Variants in CRTAC1 observed in about 807,000 individuals in gnomAD.
The protein encoded by CRTAC1 is cartilage acidic protein 1.
A neutral mutation model predicts 67.8 loss-of-function variants in CRTAC1; 37 were observed. The observed-to-expected ratio is 0.55, with a 90% confidence interval of 0.42 to 0.72. The LOEUF (loss-of-function observed/expected upper bound fraction) is 0.72. Among genes scored for constraint, CRTAC1 ranks in the 30% least tolerant of loss-of-function variants. The probability of loss-of-function intolerance (pLI) is 0.00; values close to 1 mark genes in which losing one functional copy is unlikely to be tolerated. For synonymous variants in CRTAC1, 348 were observed against 371.0 expected (o/e 0.94, Z 0.71); for missense variants, 780 against 931.6 (o/e 0.84, Z 2.12).
chr10:98,019,361 C>T (rs921050471), intron 1 of CRTAC1, among the ~76,000 whole-genome samples: 1 of 152,132 alleles, frequency 6.6e-6, no homozygotes, highest in Admixed American at 6.5e-5. Context: ...GGTTCTCCAC[C>T]ACGGCGATTT....
intron 7 of CRTAC1, among the ~76,000 whole-genome samples, chr10:97,903,534 T>C (rs2050569958): frequency 6.6e-6 from 1 of 151,940 alleles, no homozygotes; most frequent in African/African-American, 2.4e-5. Context: ...CCAAGGTGGC[T>C]GCTTACAGGG....
At position 97,882,835 on chromosome 10, in the gene CRTAC1, G is replaced by C. The variant is rs368186328; in HGVS notation, c.1633-7C>G. ...GGGAGAATCCTTGGCCACACTGTAA[G>C]GTGGGCAGAAGCAGAGACATGAGTG... On this transcript the variant is annotated splice_region_variant and splice_polypyrimidine_tract_variant and intron_variant, in intron 12 of 14. Coordinates refer to ENST00000370597, the MANE Select transcript of CRTAC1 (RefSeq NM_018058.7). The C allele has an allele frequency of 3.1e-6, 5 of 1,614,018 alleles. No homozygotes were observed. The African/African-American group carries it at 6.7e-5, about 22-fold the overall frequency.
chr10:97,951,138 A>G (rs1402029213), intron 2 of CRTAC1, among the ~76,000 whole-genome samples: 1 of 151,864 alleles, frequency 6.6e-6, no homozygotes, highest in East Asian at 1.9e-4. Context: ...CTGCATTTCC[A>G]CCTCCTCTGT....
chr10:97,895,648 GGGCACAGTGTTT>G lies in CRTAC1; in HGVS notation c.1317+225_1317+236del, dbSNP rs2050446852. 6.6e-6 allele frequency among the ~76,000 whole-genome samples: 1 copy of G among 152,226 alleles called. No individual in the cohort carries two copies. Among genetic ancestry groups the G allele is most frequent in the African/African-American group, 2.4e-5 (1 of 41,456 alleles). On this transcript the variant is annotated intron_variant, in intron 10 of 14. Coordinates refer to ENST00000370597, the MANE Select transcript of CRTAC1 (RefSeq NM_018058.7). This position sits in a 1 kb window ranked among gnomAD's most constrained non-coding sequence, Gnocchi z 4.2. ...GAGGAGACAAAAGCCGAGGGACTCAGGGCACAGTGTTTGGCAGATAAATGATACTGGAAGGCA... is the reference window on the plus strand; with the variant it reads ...GAGGAGACAAAAGCCGAGGGACTCAGGGCAGATAAATGATACTGGAAGGCA...
intron 2 of CRTAC1, among the ~76,000 whole-genome samples, chr10:97,986,919 A>G (rs965235901): frequency 2.0e-5 from 3 of 152,194 alleles, no homozygotes; most frequent in Non-Finnish European, 4.4e-5. Flanking sequence ...CTTCGTAAAT[A>G]AGATTATGTG....
chr10:97,875,780 C>T lies in CRTAC1; in HGVS notation c.1819+4469G>A, dbSNP rs555803063. 1.1e-4 allele frequency: 17 copies of T among 152,336 alleles called. No individual in the cohort carries two copies. In the East Asian group the frequency reaches 1.2e-3, roughly 10 times the overall value. The allele number at this position is 152,336 out of a possible 1,614,324, so 9.4% of individuals were successfully genotyped here. On this transcript the variant is annotated intron_variant, in intron 14 of 14. Transcript: ENST00000370597. ...TCTGGAGCGGAGTTCCTGCTTCGGC[C>T]GAGGTCCAGTGGCACTGGCCTGGGT...
intron 5 of CRTAC1, among the ~76,000 whole-genome samples, chr10:97,911,808 C>T (rs2050691600): frequency 1.3e-5 from 2 of 152,230 alleles, no homozygotes; most frequent in Admixed American, 1.3e-4. Context: ...TTGTCACACC[C>T]TCCCTCTCCT....
chr10:97,872,571 T>A (rs1269841252), intron 14 of CRTAC1, among the ~76,000 whole-genome samples: 2 of 152,132 alleles, frequency 1.3e-5, no homozygotes, highest in African/African-American at 2.4e-5. Flanking sequence ...ACCTGAGAGA[T>A]CTGGACCTCA....
At chr10:97,868,949 C>T (rs999192262) in intron 14 of CRTAC1, 2 of 152,242 alleles carry the variant, frequency 1.3e-5, no homozygotes, top group South Asian at 4.1e-4. Flanking sequence ...CTCACAGCAA[C>T]CCTCTATGGC....
rs928103874 is a variant in CRTAC1 at position 97,975,024 on chromosome 10, G to A, written c.224+36114C>T. Among the ~76,000 whole-genome samples the A allele has an allele frequency of 6.6e-6, 1 of 152,192 alleles. No homozygotes were observed. Among genetic ancestry groups the A allele is most frequent in the East Asian group, 1.9e-4 (1 of 5,136 alleles). ...GGAGAACGTGGAGCCCGCGGGAGGA[G>A]GCCGGAGCGCGGGCAGGGACTGGCG... On this transcript the variant is annotated intron_variant, in intron 2 of 14. Coordinates refer to ENST00000370597, the MANE Select transcript of CRTAC1 (RefSeq NM_018058.7). This position sits in a 1 kb window ranked among gnomAD's most constrained non-coding sequence, Gnocchi z 4.8.
At chr10:98,008,900 C>T (rs1842852114) in intron 2 of CRTAC1, among the ~76,000 whole-genome samples, 2 of 152,100 alleles carry the variant, frequency 1.3e-5, no homozygotes, top group Admixed American at 1.3e-4. Context: ...GGCAGGGCAA[C>T]CATCCAAACA....
chr10:97,987,767 T>G (rs977844843), intron 2 of CRTAC1, among the ~76,000 whole-genome samples: 1 of 152,264 alleles, frequency 6.6e-6, no homozygotes, highest in Non-Finnish European at 1.5e-5. Context: ...TGAATACACA[T>G]AGGTGCTCAA....
intron 5 of CRTAC1, among the ~76,000 whole-genome samples, chr10:97,909,215 T>C (rs993426584): frequency 6.6e-6 from 1 of 151,908 alleles, no homozygotes; most frequent in African/African-American, 2.4e-5. Flanking sequence ...CCCCACCCAG[T>C]GGGTTTCAAA....
chr10:97,984,615 G>A (rs11189457), intron 2 of CRTAC1, among the ~76,000 whole-genome samples: 16,206 of 152,214 alleles, frequency 0.11, 905 homozygotes, highest in South Asian at 0.16. Flanking sequence ...CTTGCATGAC[G>A]TGGAAACAAG....
chr10:97,892,506 C>T (rs920265597), intron 11 of CRTAC1, among the ~76,000 whole-genome samples: 2 of 152,322 alleles, frequency 1.3e-5, no homozygotes, highest in Non-Finnish European at 2.9e-5. Flanking sequence ...CAGACCGTGG[C>T]GTCAGGGAGG....
intron 8 of CRTAC1, 87 bp from the exon 9 acceptor site, chr10:97,897,078 C>A (rs2050471800): frequency 4.2e-6 from 4 of 962,548 alleles, no homozygotes; most frequent in Non-Finnish European, 6.2e-6. Context: ...GTCCCCTGAG[C>A]ATCCCCGGGT....
chr10:98,003,631 A>G (rs1283364673), intron 2 of CRTAC1, among the ~76,000 whole-genome samples: 3 of 152,182 alleles, frequency 2.0e-5, no homozygotes, highest in African/African-American at 7.2e-5. Context: ...TATTCTCCCC[A>G]TTCCAAGGTC....
rs138331242 is a variant in CRTAC1 at position 97,917,553 on chromosome 10, C to A, written c.662G>T (p.Gly221Val). ...MDPEASDLSR[G>V]ILALRDVAAE... ...AGCCACATCTCTGAGCGCCAGAATG[C>A]CCCGGGAGAGGTCACTGGCCTCAGG... The change falls in exon 5 of 15, where the codon GGC becomes GTC. Residue 221 changes from glycine (G) to valine (V), a missense_variant. Coordinates refer to ENST00000370597, the MANE Select transcript of CRTAC1 (RefSeq NM_018058.7). 189 of 1,601,814 alleles carry A rather than the reference C, an allele frequency of 1.2e-4. No homozygotes were observed. The highest frequency in any genetic ancestry group is 1.6e-4 in the Non-Finnish European group (186 of 1,173,062).
chr10:97,928,857 C>T (rs141185842), intron 3 of CRTAC1, among the ~76,000 whole-genome samples: 21 of 152,110 alleles, frequency 1.4e-4, no homozygotes, highest in African/African-American at 4.6e-4. Flanking sequence ...GCAGGGGAGA[C>T]CCAGTAATTC....
Sources: gnomAD v4.1 joint callset for allele counts (sites outside exome capture counted in the v4.1 genomes callset) on GRCh38, gnomAD v4.1.1 for gene constraint, Gnocchi (gnomAD v3.1) non-coding constraint, MANE v1.5 for transcripts, NCBI Gene and HGNC (gene_info 2026-07-23, HGNC 2026-07-21) for gene names.